Variants in TCF7 observed in about 807,000 individuals in gnomAD.
The protein encoded by TCF7 is T-cell-factor-7.
Under a neutral mutation model 46.8 loss-of-function variants are expected in TCF7, and 19 were observed. The observed-to-expected ratio is 0.41, with a 90% confidence interval of 0.28 to 0.60. The LOEUF (loss-of-function observed/expected upper bound fraction) is 0.60, where lower values mean the gene tolerates loss of function less well. TCF7 is among the 20% of genes least tolerant of loss of function. TCF7 has a pLI of 0.35. For missense variants in TCF7, 547 were observed against 504.6 expected (o/e 1.08, Z -0.81); for synonymous variants, 245 against 213.4 (o/e 1.15, Z -1.29).
chr5:134,142,953 C>T (rs752197299), intron 7 of TCF7, 40 bp from the exon 8 acceptor site: 2 of 1,612,646 alleles, frequency 1.2e-6, no homozygotes, highest in South Asian at 1.1e-5. Context: ...AGCCTGCTGA[C>T]TCCCTGATGC....
chr5:134,138,651 G>T (rs1759268661), intron 4 of TCF7: 1 of 359,360 alleles, frequency 2.8e-6, no homozygotes, highest in African/African-American at 2.0e-5. Flanking sequence ...CAGAAAGCTA[G>T]GCTGGAGTCC....
upstream of TCF7, among the ~76,000 whole-genome samples, chr5:134,114,352 T>C (rs1220550141): frequency 6.6e-6 from 1 of 152,044 alleles, no homozygotes; most frequent in African/African-American, 2.4e-5. Context: ...ACGGCTGCGA[T>C]GGTAAGCCAC....
At chr5:134,143,151 A>G (rs963281126) in intron 8 of TCF7, 51 bp downstream of exon 8, 12 of 1,519,860 alleles carry the variant, frequency 7.9e-6, no homozygotes, top group African/African-American at 1.4e-5. Context: ...CCTTTGAGAT[A>G]CCATGCCCCA....
chr5:134,116,477 C>T (rs1755857272), intron 3 of TCF7, among the ~76,000 whole-genome samples: 1 of 152,230 alleles, frequency 6.6e-6, no homozygotes, highest in South Asian at 2.1e-4. Flanking sequence ...TGTTCAGGTC[C>T]CCTGGTTGTG....
At chr5:134,117,619 C>T (rs1388328550) in intron 3 of TCF7, among the ~76,000 whole-genome samples, 2 of 152,188 alleles carry the variant, frequency 1.3e-5, no homozygotes, top group African/African-American at 2.4e-5. Flanking sequence ...GGGAGGGCTT[C>T]GTTCTGCTGT....
chr5:134,145,522 T>G, intron 9 of TCF7: 1 of 596,602 alleles, frequency 1.7e-6, no homozygotes, highest in Non-Finnish European at 3.0e-6. Context: ...GTTTCCTCAG[T>G]CAGTTTCAGG....
intron 9 of TCF7, chr5:134,145,314 A>G: frequency 3.7e-6 from 2 of 538,362 alleles, no homozygotes; most frequent in Non-Finnish European, 7.3e-6. Context: ...GCAAGGTGAC[A>G]ACAACACAGA....
At chr5:134,123,023 T>C (rs152404) in intron 3 of TCF7, among the ~76,000 whole-genome samples, 42,787 of 152,170 alleles carry the variant, frequency 0.28, 7,791 homozygotes, top group African/African-American at 0.49. Context: ...GCCTTAGTTT[T>C]CTTATCTAAA....
At chr5:134,127,715 C>G (rs530168454) in intron 3 of TCF7, among the ~76,000 whole-genome samples, 1 of 152,340 alleles carries the variant, frequency 6.6e-6, no homozygotes, top group Non-Finnish European at 1.5e-5. Context: ...CTTCTTCTCT[C>G]GCTGCCCCGC....
At chr5:134,141,907 G>A in intron 5 of TCF7, 1 of 303,518 alleles carries the variant, frequency 3.3e-6, no homozygotes, top group Non-Finnish European at 6.1e-6. Context: ...GGTTGGTAGG[G>A]GAAGGACGTG....
chr5:134,114,011 G>C (rs2149258761), upstream of TCF7, among the ~76,000 whole-genome samples: 1 of 152,350 alleles, frequency 6.6e-6, no homozygotes, highest in Non-Finnish European at 1.5e-5. Context: ...CTGAGGTCCG[G>C]TGCTCTTGGC....
intron 3 of TCF7, among the ~76,000 whole-genome samples, chr5:134,118,075 C>G (rs1405246340): frequency 6.6e-6 from 1 of 152,240 alleles, no homozygotes; most frequent in Non-Finnish European, 1.5e-5. Flanking sequence ...GCTTGCATTA[C>G]CTGAAGACGT....
At chr5:134,126,526 T>C (rs1369877109) in intron 3 of TCF7, among the ~76,000 whole-genome samples, 3 of 152,212 alleles carry the variant, frequency 2.0e-5, no homozygotes, top group Non-Finnish European at 4.4e-5. Flanking sequence ...GTTGAAAGAA[T>C]AACAACAACT....
chr5:134,119,272 T>G (rs1756254086), intron 3 of TCF7, among the ~76,000 whole-genome samples: 1 of 152,148 alleles, frequency 6.6e-6, no homozygotes, highest in African/African-American at 2.4e-5. Flanking sequence ...TGATGAAATA[T>G]CCAGAATAGA....
chr5:134,121,822 C>T (rs563697810), intron 3 of TCF7, among the ~76,000 whole-genome samples: 185 of 152,216 alleles, frequency 1.2e-3, no homozygotes, highest in African/African-American at 4.0e-3. Flanking sequence ...AGCATAATAC[C>T]CAAACAGAAT....
chr5:134,115,275 C>A lies in TCF7; in HGVS notation c.250-46C>A, dbSNP rs781422154. ...TCCCTGCCCCGGCGTCGGCCCCGAC[C>A]CCCGCGGTCCCACCGCCCCTCACTC... is the stretch of plus-strand genomic sequence containing the variant. On this transcript the variant is annotated intron_variant, in intron 1 of 9. Transcript: ENST00000342854. 9 of 1,500,684 alleles carry A rather than the reference C, an allele frequency of 6.0e-6. 1 individual carries two copies. Among genetic ancestry groups the A allele is most frequent in the South Asian group, 1.3e-5 (1 of 79,858 alleles). The allele number at this position is 1,500,684 out of a possible 1,614,324, so 93.0% of individuals were successfully genotyped here.
Position 134,116,114 on chromosome 5 carries a change from T to A in TCF7, c.441+81T>A, listed in dbSNP as rs1755804040. On this transcript the variant is annotated intron_variant, in intron 3 of 9. Transcript: ENST00000342854. ...AGGTGAGGCACCGGCAAGAGACTTC[T>A]GCCTGGAACAAAATAGACGAGACTC... 4 of 1,506,152 alleles carry A rather than the reference T, an allele frequency of 2.7e-6. No homozygotes were observed. The East Asian group carries it at 9.5e-5, about 36-fold the overall frequency. The allele number at this position is 1,506,152 out of a possible 1,614,324, so 93.3% of individuals were successfully genotyped here.
intron 3 of TCF7, among the ~76,000 whole-genome samples, chr5:134,126,021 A>G (rs1055615083): frequency 1.3e-5 from 2 of 152,282 alleles, no homozygotes; most frequent in Non-Finnish European, 2.9e-5. Context: ...GGTGTTTTAG[A>G]AAATTACATT....
In TCF7 at chr5:134,128,839, G is replaced by A. The variant is rs569781650; in HGVS notation, c.442-9220G>A. On this transcript the variant is annotated intron_variant, in intron 3 of 9. Transcript: ENST00000342854. ...GGGCCAGGGAGCACCAGCCAGACCCGGTGGGAAGGATGACCTCTTGCTTTT... is the reference window on the plus strand; with the variant it reads ...GGGCCAGGGAGCACCAGCCAGACCCAGTGGGAAGGATGACCTCTTGCTTTT... Among the ~76,000 whole-genome samples, 12 of 152,266 alleles carry A rather than the reference G, an allele frequency of 7.9e-5. No homozygotes were observed. In the South Asian group the frequency reaches 1.7e-3, roughly 21 times the overall value.
Sources: gnomAD v4.1 joint callset for allele counts (sites outside exome capture counted in the v4.1 genomes callset) on GRCh38, gnomAD v4.1.1 for gene constraint, MANE v1.5 for transcripts, NCBI Gene and HGNC (gene_info 2026-07-23, HGNC 2026-07-21) for gene names.